The following CFAP299 variants were observed in gnomAD, a reference collection of about 807,000 sequenced individuals.
CFAP299 encodes the protein cilia- and flagella-associated protein 299.
CFAP299 carries 21 observed loss-of-function variants against 27.0 expected under a neutral mutation model. The observed-to-expected ratio is 0.78, with a 90% CI of 0.55 to 1.12. The LOEUF (loss-of-function observed/expected upper bound fraction) is 1.12. CFAP299 is among the 50% of genes most tolerant of loss of function. CFAP299 has a pLI of 0.00. For missense variants in CFAP299, 310 were observed against 276.6 expected (o/e 1.12, Z -0.86); for synonymous variants, 104 against 98.1 (o/e 1.06, Z -0.36).
At position 80,891,776 on chromosome 4, in the gene CFAP299, A is replaced by AAT. The variant is rs1451611380; in HGVS notation, c.476+21641_476+21642insAT. Among the ~76,000 whole-genome samples the AAT allele has an allele frequency of 9.6e-3, 966 of 100,446 alleles. 27 individuals are homozygous for AAT. The highest frequency in any genetic ancestry group is 0.058 in the African/African-American group (927 of 15,936). 65.9% of individuals were successfully genotyped at this position (100,446 alleles called of 152,430 possible). ...AACTTAGAGTATAATAAAAAAAAAA[A>AAT]TTAAAAAAAAAATAAAAAAAAAAAT... On this transcript the variant is annotated intron_variant, in intron 4 of 5. Coordinates refer to ENST00000358105, the MANE Select transcript of CFAP299 (RefSeq NM_152770.3).
chr4:80,861,921 T>G (rs1227497760), intron 3 of CFAP299, among the ~76,000 whole-genome samples: 1 of 152,130 alleles, frequency 6.6e-6, no homozygotes, highest in East Asian at 1.9e-4. Flanking sequence ...AAATTACCAG[T>G]TCATATATAA....
At chr4:80,576,225 CT>C (rs931632842) in intron 2 of CFAP299, among the ~76,000 whole-genome samples, 1 of 148,092 alleles carries the variant, frequency 6.8e-6, no homozygotes, top group Non-Finnish European at 1.5e-5. Context: ...TATAAAATCT[CT>C]TTCTTAGTTT....
chr4:80,733,813 CT>C (rs1723686776), intron 3 of CFAP299, among the ~76,000 whole-genome samples: 1 of 152,012 alleles, frequency 6.6e-6, no homozygotes, highest in Non-Finnish European at 1.5e-5. Context: ...TTTTTTATGA[CT>C]GAATAGTACT....
At chr4:80,629,533 A>G (rs1486938702) in intron 3 of CFAP299, among the ~76,000 whole-genome samples, 2 of 152,160 alleles carry the variant, frequency 1.3e-5, no homozygotes, top group Non-Finnish European at 2.9e-5. Flanking sequence ...GTCTGTATAT[A>G]TATTTCAAAT....
At chr4:80,748,121 A>G (rs1724725846) in intron 3 of CFAP299, among the ~76,000 whole-genome samples, 1 of 152,086 alleles carries the variant, frequency 6.6e-6, no homozygotes, top group Non-Finnish European at 1.5e-5. Context: ...TAGGGTAATC[A>G]TCCTTTATGC....
intron 2 of CFAP299, among the ~76,000 whole-genome samples, chr4:80,495,102 G>T (rs1401252853): frequency 6.6e-6 from 1 of 152,126 alleles, no homozygotes; most frequent in East Asian, 1.9e-4. Flanking sequence ...AGTTTTATTT[G>T]ATTTTGTTAA....
At chr4:80,615,661 C>A (rs982816664) in intron 3 of CFAP299, among the ~76,000 whole-genome samples, 7 of 152,004 alleles carry the variant, frequency 4.6e-5, no homozygotes, top group Non-Finnish European at 8.8e-5. Flanking sequence ...CTCAGCCTTC[C>A]AAGTAGCTGG....
intron 4 of CFAP299, among the ~76,000 whole-genome samples, chr4:80,927,748 C>T (rs1736378631): frequency 1.3e-5 from 2 of 152,104 alleles, no homozygotes; most frequent in South Asian, 4.1e-4. Context: ...TGAATTTCCC[C>T]TACTTCTTCT....
chr4:80,619,932 C>A (rs1738487917), intron 3 of CFAP299, among the ~76,000 whole-genome samples: 1 of 151,968 alleles, frequency 6.6e-6, no homozygotes, highest in Non-Finnish European at 1.5e-5. Context: ...TCAAAATTAT[C>A]ATTTTCCAAT....
At chr4:80,401,775 C>G (rs546897740) in intron 2 of CFAP299, among the ~76,000 whole-genome samples, 56 of 152,258 alleles carry the variant, frequency 3.7e-4, no homozygotes, top group Non-Finnish European at 6.5e-4. Flanking sequence ...AATCGTAGAT[C>G]CACAGACAGC....
Position 80,963,531 on chromosome 4 carries a change from C to A in CFAP299, c.621C>A (p.Asp207Glu). ...ATGTATTTTAGGCGCAGCCAGGTGA[C>A]AACTCTACTAGAATCACTATCCTGA... ...LNVDPKAQPG[D>E]NSTRITILTE... is the part of the protein sequence containing the mutation. The change falls in exon 6 of 6, where the codon GAC becomes GAA. Residue 207 changes from aspartate (D) to glutamate (E), a missense_variant. Transcript: ENST00000358105. 6.3e-7 allele frequency: 1 copy of A among 1,598,904 alleles called. No homozygotes were observed. Among genetic ancestry groups the A allele is most frequent in the Non-Finnish European group, 8.5e-7 (1 of 1,172,980 alleles).
chr4:80,773,473 C>A (rs1247220190), intron 3 of CFAP299, among the ~76,000 whole-genome samples: 1 of 151,992 alleles, frequency 6.6e-6, no homozygotes, highest in Admixed American at 6.6e-5. Context: ...AGTGGACCAG[C>A]TTTTTTTACT....
intron 3 of CFAP299, among the ~76,000 whole-genome samples, chr4:80,764,602 C>T (rs572867106): frequency 2.0e-5 from 3 of 152,102 alleles, no homozygotes; most frequent in South Asian, 4.1e-4. Flanking sequence ...GGGTATATAC[C>T]CAGAGTATTA....
chr4:80,623,398 A>T (rs1738708239), intron 3 of CFAP299, among the ~76,000 whole-genome samples: 1 of 152,182 alleles, frequency 6.6e-6, no homozygotes, highest in South Asian at 2.1e-4. Flanking sequence ...TGAAACAAAA[A>T]TAATTAGACA....
intron 2 of CFAP299, among the ~76,000 whole-genome samples, chr4:80,498,823 A>C (rs1731587507): frequency 2.0e-5 from 3 of 152,198 alleles, no homozygotes; most frequent in African/African-American, 7.2e-5. Context: ...TGTTTACAAT[A>C]ACATATACAT....
chr4:80,646,984 AGAGAGTGTGTGT>A (rs77357952), intron 3 of CFAP299, among the ~76,000 whole-genome samples: 88,173 of 144,498 alleles, frequency 0.61, 29,836 homozygotes, highest in Non-Finnish European at 0.77. Context: ...AGAGAGAGAG[AGAGAGTGTGTGT>A]GTGTGTGTGT....
chr4:80,391,400 T>G (rs2110036804), intron 2 of CFAP299, among the ~76,000 whole-genome samples: 1 of 152,340 alleles, frequency 6.6e-6, no homozygotes, highest in East Asian at 1.9e-4. Flanking sequence ...GTCTTTTTGA[T>G]AATCGCCATT....
rs1246626993 is a variant in CFAP299, at chr4:80,696,307, AAAG to A, written c.333+113131_333+113133del. Among the ~76,000 whole-genome samples the A allele has an allele frequency of 3.1e-4, 40 of 130,394 alleles. 1 individual carries two copies. The South Asian group carries it at 4.8e-3, about 16-fold the overall frequency. The allele number at this position is 130,394 out of a possible 152,430, so 85.5% of individuals were successfully genotyped here. A position where few individuals can be genotyped will look rare whatever the true frequency, so the allele number is the denominator to read the frequency against. On this transcript the variant is annotated intron_variant, in intron 3 of 5. Transcript: ENST00000358105. Reference sequence around the variant, plus strand: ...GAGCTCCGTCTCAAAAAAAAAAAAAAAAGAAGAAGTAGAATTTAATCCACCATG... The same window carrying A: ...GAGCTCCGTCTCAAAAAAAAAAAAAAAAGAAGTAGAATTTAATCCACCATG...
chr4:80,523,870 C>CT (rs765758249), intron 2 of CFAP299, among the ~76,000 whole-genome samples: 8 of 152,080 alleles, frequency 5.3e-5, no homozygotes, highest in Non-Finnish European at 8.8e-5. Flanking sequence ...AACCCTGACT[C>CT]TAACACCAGG....
Sources: allele counts gnomAD v4.1 joint callset (sites outside exome capture counted in the v4.1 genomes callset), GRCh38; gene constraint gnomAD v4.1.1; transcripts MANE v1.5; gene names NCBI Gene and HGNC (gene_info 2026-07-23, HGNC 2026-07-21).